CYP4X1: variants seen among roughly 807,000 people sequenced by gnomAD.
CYP4X1 encodes cytochrome P450 4X1.
In CYP4X1, 44 loss-of-function variants were observed where a neutral mutation model predicts 57.9. The ratio of observed to expected loss-of-function variants is 0.76; its 90% CI spans 0.60 to 0.98. The LOEUF is 0.98. CYP4X1 is among the 50% of genes least tolerant of loss of function. The probability of loss-of-function intolerance (pLI) is 0.00; values close to 1 mark genes in which losing one functional copy is unlikely to be tolerated. For synonymous variants in CYP4X1, 227 were observed against 228.6 expected (o/e 0.99, Z 0.06); for missense variants, 532 against 623.9 (o/e 0.85, Z 1.57).
At chr1:46,967,954 A>G in the CYP4X1 span, 2 of 347,276 alleles carry the variant, frequency 5.8e-6, no homozygotes, top group East Asian at 1.0e-4. Context: ...GGGTTAATCA[A>G]TGGTTTGTTC....
the CYP4X1 span, among the ~76,000 whole-genome samples, chr1:47,015,528 A>C: frequency 6.6e-6 from 1 of 152,164 alleles, no homozygotes; most frequent in Non-Finnish European, 1.5e-5. Context: ...TCTTATGCTT[A>C]TGTGCTTGTC....
upstream of CYP4X1, among the ~76,000 whole-genome samples, chr1:47,020,824 C>T (rs1330106406): frequency 2.0e-5 from 3 of 152,166 alleles, no homozygotes; most frequent in Non-Finnish European, 4.4e-5. Flanking sequence ...GATTGCCATA[C>T]TGAATTATTA....
At chr1:46,984,172 C>G in the CYP4X1 span, among the ~76,000 whole-genome samples, 1 of 151,976 alleles carries the variant, frequency 6.6e-6, no homozygotes, top group African/African-American at 2.4e-5. Flanking sequence ...TTGCAAACGT[C>G]TAAGGCAGAA....
chr1:47,050,287 G>C lies in CYP4X1; in HGVS notation c.*113G>C. ...ATGGTGGGAGGATTGGAGGTTGGTGGGATAGGGGTCTCTGTGAAGAGATCC... is the reference window on the plus strand; with the variant it reads ...ATGGTGGGAGGATTGGAGGTTGGTGCGATAGGGGTCTCTGTGAAGAGATCC... On this transcript the variant is annotated 3_prime_UTR_variant, in exon 12 of 12. Transcript: ENST00000371901. 8.2e-7 allele frequency: 1 copy of C among 1,219,532 alleles called. No individual in the cohort carries two copies. The highest frequency in any genetic ancestry group is 1.2e-6 in the Non-Finnish European group (1 of 860,948). The allele number at this position is 1,219,532 out of a possible 1,614,324, so 75.5% of individuals were successfully genotyped here.
At chr1:47,023,575 A>G (rs1644021406), upstream of CYP4X1, 3 of 1,296,220 alleles carry the variant, frequency 2.3e-6, no homozygotes, top group African/African-American at 1.5e-5. Flanking sequence ...GCGCAAAAGC[A>G]GTTGGGCCGA....
At chr1:47,009,598 T>C in the CYP4X1 span, among the ~76,000 whole-genome samples, 1 of 152,098 alleles carries the variant, frequency 6.6e-6, no homozygotes, top group Non-Finnish European at 1.5e-5. Flanking sequence ...CAAAAAACCC[T>C]TCAAAAAATC....
the CYP4X1 span, among the ~76,000 whole-genome samples, chr1:46,999,318 A>C: frequency 6.6e-6 from 1 of 152,234 alleles, no homozygotes; most frequent in African/African-American, 2.4e-5. Context: ...TGTTTCCAGG[A>C]GTTTTCCCAC....
intron 6 of CYP4X1, among the ~76,000 whole-genome samples, chr1:47,038,188 G>C (rs1644206161): frequency 6.6e-6 from 1 of 152,042 alleles, no homozygotes; most frequent in Non-Finnish European, 1.5e-5. Flanking sequence ...ACCTGTACAT[G>C]TACCCCTGTA....
At chr1:47,015,424 G>C in the CYP4X1 span, among the ~76,000 whole-genome samples, 1 of 152,150 alleles carries the variant, frequency 6.6e-6, no homozygotes, top group African/African-American at 2.4e-5. Context: ...CCCTGCCCCT[G>C]CCGTGGCAGA....
chr1:47,031,600 A>G (rs1169783561), intron 3 of CYP4X1, 120 bp downstream of exon 3: 2 of 1,066,002 alleles, frequency 1.9e-6, no homozygotes, highest in Non-Finnish European at 2.8e-6. Context: ...AGGTAGAGCT[A>G]TACTGAACGT....
chr1:47,038,841 A>T, intron 7 of CYP4X1, 75 bp downstream of exon 7: 1 of 1,158,026 alleles, frequency 8.6e-7, no homozygotes, highest in Non-Finnish European at 1.2e-6. Context: ...TGGGAATGGG[A>T]TGGGGAGACA....
rs557731759 is a variant in CYP4X1 at position 47,024,123 on chromosome 1, C to CT, written c.177+129_177+130insT. 1,419 of 1,133,174 alleles carry CT rather than the reference C, an allele frequency of 1.3e-3. 15 individuals are homozygous for CT. In the African/African-American group the frequency reaches 0.02, roughly 16 times the overall value. 70.2% of individuals were successfully genotyped at this position (1,133,174 alleles called of 1,614,324 possible). On this transcript the variant is annotated intron_variant, in intron 1 of 11. Coordinates refer to ENST00000371901, the MANE Select transcript of CYP4X1 (RefSeq NM_178033.2). The stretch of plus-strand genomic sequence containing the variant: ...ACCCTCCGGCTTGCACTGGCCTTTC[C>CT]AGCCCGGCCTGTGGCTCTTAGCATC...
At chr1:47,046,222 A>T (rs1295656939) in intron 8 of CYP4X1, among the ~76,000 whole-genome samples, 1 of 152,206 alleles carries the variant, frequency 6.6e-6, no homozygotes. Flanking sequence ...CTCCTTAGCA[A>T]ATGTTTTACT....
At chr1:46,993,179 G>A in the CYP4X1 span, among the ~76,000 whole-genome samples, 6 of 148,122 alleles carry the variant, frequency 4.1e-5, no homozygotes, top group Non-Finnish European at 5.9e-5. Context: ...GAGAACATGC[G>A]GTGTTTGGTT....
chr1:47,054,729 T>C (rs1335179690), downstream of CYP4X1, among the ~76,000 whole-genome samples: 1 of 152,036 alleles, frequency 6.6e-6, no homozygotes, highest in East Asian at 1.9e-4. Flanking sequence ...TTGTCTGTTA[T>C]TGGTGTATAA....
At chr1:47,005,074 C>T in the CYP4X1 span, among the ~76,000 whole-genome samples, 6 of 152,268 alleles carry the variant, frequency 3.9e-5, no homozygotes, top group South Asian at 4.1e-4. Flanking sequence ...AGGTCAGAGA[C>T]ATCTGATACT....
At chr1:47,020,417 AC>A (rs1284031061), upstream of CYP4X1, among the ~76,000 whole-genome samples, 1 of 152,116 alleles carries the variant, frequency 6.6e-6, no homozygotes, top group Non-Finnish European at 1.5e-5. Context: ...CAGCTACAAA[AC>A]TTTTTTCACA....
At chr1:46,991,056 G>A in the CYP4X1 span, among the ~76,000 whole-genome samples, 1 of 150,498 alleles carries the variant, frequency 6.6e-6, no homozygotes, top group South Asian at 2.1e-4. Context: ...AAAAAAAAGA[G>A]TCAGGAGAGG....
At chr1:46,978,216 G>A in the CYP4X1 span, among the ~76,000 whole-genome samples, 1 of 152,050 alleles carries the variant, frequency 6.6e-6, no homozygotes, top group East Asian at 1.9e-4. Context: ...TCAGTGTGCT[G>A]TATTGAGGAG....
Sources: allele counts gnomAD v4.1 joint callset (sites outside exome capture counted in the v4.1 genomes callset), GRCh38; gene constraint gnomAD v4.1.1; transcripts MANE v1.5; gene names NCBI Gene and HGNC (gene_info 2026-07-23, HGNC 2026-07-21).